The following RNF2 variants were observed in gnomAD, a reference collection of about 807,000 sequenced individuals.
RNF2 encodes the protein E3 ubiquitin-protein ligase RING2.
A neutral mutation model predicts 37.2 loss-of-function variants in RNF2; 6 were observed. The observed-to-expected ratio is 0.16, with a 90% CI of 0.09 to 0.32. The LOEUF is 0.32. Among genes scored for constraint, RNF2 ranks in the 10% least tolerant of loss-of-function variants. RNF2 has a pLI of 1.00. For synonymous variants in RNF2, 133 were observed against 132.7 expected (o/e 1.00, Z -0.02); for missense variants, 251 against 404.0 (o/e 0.62, Z 3.25).
chr1:185,058,113 G>A (rs567882313), intron 1 of RNF2, among the ~76,000 whole-genome samples: 4 of 152,214 alleles, frequency 2.6e-5, no homozygotes, highest in Admixed American at 1.3e-4. Flanking sequence ...CTGACAGAGC[G>A]ATACCCCATC....
At chr1:185,080,430 C>T (rs1651311589) in intron 1 of RNF2, among the ~76,000 whole-genome samples, 1 of 152,142 alleles carries the variant, frequency 6.6e-6, no homozygotes, top group South Asian at 2.1e-4. Flanking sequence ...GTATATTGAT[C>T]TAAAGCAAAG....
At chr1:185,067,271 AGC>A (rs1650823541) in intron 1 of RNF2, among the ~76,000 whole-genome samples, 1 of 152,314 alleles carries the variant, frequency 6.6e-6, no homozygotes, top group South Asian at 2.1e-4. Context: ...TCTGTCTTAC[AGC>A]TGTAGTTTTA....
At chr1:185,097,840 AATT>A (rs1380990476) in intron 4 of RNF2, among the ~76,000 whole-genome samples, 1 of 152,226 alleles carries the variant, frequency 6.6e-6, no homozygotes, top group African/African-American at 2.4e-5. Context: ...TGGCCAGTAA[AATT>A]ATTAAGTGAA....
chr1:185,082,345 C>CTTTTTTTTTTTTTTTTTTTTTT lies in RNF2; in HGVS notation c.-2-5206_-2-5185dup, dbSNP rs3036553. On this transcript the variant is annotated intron_variant, in intron 1 of 6. Transcript: ENST00000367510. ...CAAGGTTCTTGTCTCCTCTGCAGAA[C>CTTTTTTTTTTTTTTTTTTTTTT]TTTTTTTTTTTTTTTTTTTTTTGAA... is the stretch of plus-strand genomic sequence containing the variant. Among the ~76,000 whole-genome samples the CTTTTTTTTTTTTTTTTTTTTTT allele has an allele frequency of 3.5e-3, 250 of 71,966 alleles. 45 individuals are homozygous for CTTTTTTTTTTTTTTTTTTTTTT. Among genetic ancestry groups the CTTTTTTTTTTTTTTTTTTTTTT allele is most frequent in the Middle Eastern group, 6.3e-3 (1 of 158 alleles). The allele number at this position is 71,966 out of a possible 152,430, so 47.2% of individuals were successfully genotyped here.
In RNF2 at chr1:185,074,412, TCTC is replaced by T. The variant is rs564734956; in HGVS notation, c.-2-13137_-2-13135del. ...CTGACCCTCTAATCTTGTGGTTGGTTCTCCTGAAAACCAGTCCCTGTCCTGAAT... is the reference window on the plus strand; with the variant it reads ...CTGACCCTCTAATCTTGTGGTTGGTTCTGAAAACCAGTCCCTGTCCTGAAT... On this transcript the variant is annotated intron_variant, in intron 1 of 6. Transcript: ENST00000367510. Among the ~76,000 whole-genome samples, 151 of 152,094 alleles carry T rather than the reference TCTC, an allele frequency of 9.9e-4. 3 individuals are homozygous for T. In the South Asian group the frequency reaches 0.018, roughly 18 times the overall value.
chr1:185,085,937 C>G (rs1249989802), intron 1 of RNF2, among the ~76,000 whole-genome samples: 1 of 152,188 alleles, frequency 6.6e-6, no homozygotes, highest in East Asian at 1.9e-4. Flanking sequence ...TAGGGATGAG[C>G]CACCGCACCT....
chr1:185,083,859 G>C (rs750771376), intron 1 of RNF2, among the ~76,000 whole-genome samples: 3 of 149,832 alleles, frequency 2.0e-5, no homozygotes, highest in African/African-American at 7.4e-5. Flanking sequence ...TACCTGTCTC[G>C]GCCTCCCAAA....
At chr1:185,078,597 T>C (rs968472999) in intron 1 of RNF2, among the ~76,000 whole-genome samples, 14 of 152,118 alleles carry the variant, frequency 9.2e-5, no homozygotes. Flanking sequence ...CATATGAATA[T>C]GAAGGTGGCC....
chr1:185,079,160 T>C (rs1457215091), intron 1 of RNF2, among the ~76,000 whole-genome samples: 1 of 152,080 alleles, frequency 6.6e-6, no homozygotes, highest in Non-Finnish European at 1.5e-5. Context: ...TTACTTTTCA[T>C]TTATACATTC....
rs780104917 is a variant in RNF2, at chr1:185,099,906, A to G, written c.853A>G (p.Thr285Ala). The change falls in exon 6 of 7, where the codon ACA (threonine) becomes GCA (alanine). Residue 285 changes from threonine (T) to alanine (A), a missense_variant. Coordinates refer to ENST00000367510, the MANE Select transcript of RNF2 (RefSeq NM_007212.4). ...KGESNQMNLD[T>A]ASEKQYTIYI... ...TGAATCAAACCAGATGAACCTTGATACAGCCAGTGAGAAGCAGTATACCAT... is the reference window on the plus strand; with the variant it reads ...TGAATCAAACCAGATGAACCTTGATGCAGCCAGTGAGAAGCAGTATACCAT... The G allele has an allele frequency of 1.2e-6, 2 of 1,614,144 alleles. No homozygotes were observed. Among genetic ancestry groups the G allele is most frequent in the Admixed American group, 1.7e-5 (1 of 60,026 alleles).
chr1:185,086,473 G>A (rs537069839), intron 1 of RNF2, among the ~76,000 whole-genome samples: 36 of 152,200 alleles, frequency 2.4e-4, no homozygotes, highest in African/African-American at 8.7e-4. Flanking sequence ...GGGAAAGGAG[G>A]CAGAATTAAT....
At chr1:185,060,218 CTT>C (rs1211194126) in intron 1 of RNF2, among the ~76,000 whole-genome samples, 2 of 152,210 alleles carry the variant, frequency 1.3e-5, no homozygotes, top group Non-Finnish European at 2.9e-5. Context: ...CTGTGTAAAT[CTT>C]TTAGCTTTGC....
At position 185,093,094 on chromosome 1, in the gene RNF2, A is replaced by G. The variant is rs982956741; in HGVS notation, c.282A>G (p.Leu94=). 3.1e-6 allele frequency: 5 copies of G among 1,613,772 alleles called. No individual in the cohort carries two copies. The highest frequency in any genetic ancestry group is 3.3e-5 in the Admixed American group (2 of 59,992). The part of the protein sequence containing the change: ...NKECPTCRKK[L]VSKRSLRPDP... ...AATGTCCTACCTGTCGGAAAAAACT[A>G]GTTTCCAAAAGATCACTAAGGCCAG... The change falls in exon 4 of 7, where the codon CTA becomes CTG. Residue 94 remains leucine (L), a synonymous_variant. Transcript: ENST00000367510.
rs879922852 is a variant in RNF2, at chr1:185,056,349, CT to C, written c.-3+10714del. Reference sequence around the variant, plus strand: ...TTTACAAGATAAATTATCCATCATTCTTTTTTTTTTTTTTCTCATTTTTTTT... The same window carrying C: ...TTTACAAGATAAATTATCCATCATTCTTTTTTTTTTTTTCTCATTTTTTTT... On this transcript the variant is annotated intron_variant, in intron 1 of 6. Coordinates refer to ENST00000367510, the MANE Select transcript of RNF2 (RefSeq NM_007212.4). Among the ~76,000 whole-genome samples the C allele has an allele frequency of 6.2e-3, 878 of 140,792 alleles. 6 individuals are homozygous for C. The highest frequency in any genetic ancestry group is 0.019 in the Middle Eastern group (5 of 268). 92.4% of individuals were successfully genotyped at this position (140,792 alleles called of 152,430 possible).
rs1363318712 is a variant in RNF2 at position 185,100,436 on chromosome 1, G to T, written c.*135G>T. On this transcript the variant is annotated 3_prime_UTR_variant, in exon 7 of 7. Coordinates refer to ENST00000367510, the MANE Select transcript of RNF2 (RefSeq NM_007212.4). ...TTCTTTCTGAGCCAGACTAGTTTAC[G>T]CTATTCAAATCTTTTCCCCTTTATT... 8.4e-6 allele frequency: 4 copies of T among 477,030 alleles called. No individual in the cohort carries two copies. Among genetic ancestry groups the T allele is most frequent in the African/African-American group, 8.1e-5 (4 of 49,598 alleles). The allele number at this position is 477,030 out of a possible 1,614,324, so 29.5% of individuals were successfully genotyped here. A position where few individuals can be genotyped will look rare whatever the true frequency, so the allele number is the denominator to read the frequency against.
chr1:185,057,555 G>T (rs1306151937), intron 1 of RNF2, among the ~76,000 whole-genome samples: 1 of 152,142 alleles, frequency 6.6e-6, no homozygotes, highest in East Asian at 1.9e-4. Context: ...ACCTTTCCAA[G>T]AATGAATCTG....
chr1:185,078,550 C>G (rs940623201), intron 1 of RNF2, among the ~76,000 whole-genome samples: 2 of 152,136 alleles, frequency 1.3e-5, no homozygotes, highest in Non-Finnish European at 2.9e-5. Flanking sequence ...CATTAGTAAG[C>G]AGTAATTCTT....
chr1:185,086,652 C>G (rs1651608602), intron 1 of RNF2, among the ~76,000 whole-genome samples: 1 of 152,136 alleles, frequency 6.6e-6, no homozygotes, highest in Admixed American at 6.5e-5. Context: ...ATTAGTTTGT[C>G]TTCAGAGGGC....
chr1:185,045,712 C>G (rs1650092263), intron 1 of RNF2, 63 bp downstream of exon 1: 1 of 151,970 alleles, frequency 6.6e-6, no homozygotes, highest in Non-Finnish European at 1.5e-5. Flanking sequence ...CGCGTCTACT[C>G]GGCAGCGTTG....
Sources: gnomAD v4.1 joint callset for allele counts (sites outside exome capture counted in the v4.1 genomes callset) on GRCh38, gnomAD v4.1.1 for gene constraint, MANE v1.5 for transcripts, NCBI Gene and HGNC (gene_info 2026-07-23, HGNC 2026-07-21) for gene names.